The following UBIAD1 variants were observed in gnomAD, a reference collection of about 807,000 sequenced individuals.
UBIAD1 encodes ubiA prenyltransferase domain-containing protein 1.
A neutral mutation model predicts 20.1 loss-of-function variants in UBIAD1; 12 were observed. The ratio of observed to expected loss-of-function variants is 0.60; its 90% CI spans 0.38 to 0.97. The LOEUF is 0.97. UBIAD1 is among the 50% of genes least tolerant of loss of function. The pLI is 0.00. For synonymous variants in UBIAD1, 207 were observed against 189.2 expected (o/e 1.09, Z -0.77); for missense variants, 333 against 419.5 (o/e 0.79, Z 1.80).
chr1:11,283,541 GA>G (rs911755599), intron 1 of UBIAD1, among the ~76,000 whole-genome samples: 5 of 151,704 alleles, frequency 3.3e-5, no homozygotes, highest in East Asian at 1.9e-4. Context: ...CAAATAGAAG[GA>G]AAAAAAATAT....
downstream of UBIAD1, among the ~76,000 whole-genome samples, chr1:11,291,235 C>T (rs190559094): frequency 3.1e-4 from 47 of 152,272 alleles, no homozygotes; most frequent in East Asian, 8.5e-3. Flanking sequence ...TTAATAGAAT[C>T]AGTGTGGTGA....
intron 1 of UBIAD1, chr1:11,278,748 G>T: frequency 1.6e-6 from 1 of 629,544 alleles, no homozygotes; most frequent in Non-Finnish European, 2.7e-6. Flanking sequence ...GGTGTGCTGC[G>T]GTCATCCACC....
At chr1:11,278,253 C>T (rs988103037) in intron 1 of UBIAD1, among the ~76,000 whole-genome samples, 2 of 152,188 alleles carry the variant, frequency 1.3e-5, no homozygotes, top group African/African-American at 4.8e-5. Context: ...CCACTGTGCC[C>T]AGCCCTGTTT....
chr1:11,297,793 A>T (rs945563022), downstream of UBIAD1, among the ~76,000 whole-genome samples: 5 of 152,190 alleles, frequency 3.3e-5, no homozygotes, highest in African/African-American at 9.6e-5. Context: ...TGTGGCTGTG[A>T]GTGGCCTGTC....
chr1:11,278,735 A>G, intron 1 of UBIAD1: 4 of 763,120 alleles, frequency 5.2e-6, no homozygotes, highest in Non-Finnish European at 6.2e-6. Context: ...TTTTGCTAAC[A>G]CTGGTGTGCT....
At position 11,273,357 on chromosome 1, in the gene UBIAD1, TG is replaced by T; in HGVS notation, c.-171del. 2.8e-6 allele frequency: 2 copies of T among 707,634 alleles called. No individual in the cohort carries two copies. The highest frequency in any genetic ancestry group is 4.7e-6 in the Non-Finnish European group (2 of 425,900). 43.8% of individuals were successfully genotyped at this position (707,634 alleles called of 1,614,324 possible). A position where few individuals can be genotyped will look rare whatever the true frequency, so the allele number is the denominator to read the frequency against. Reference sequence around the variant, plus strand: ...GTAGGGGCGGCGCCGCTTGGCCTCGTGGGGTGTAAGACCCACTTGCTGTTGC... The same window carrying T: ...GTAGGGGCGGCGCCGCTTGGCCTCGTGGGTGTAAGACCCACTTGCTGTTGC... On this transcript the variant is annotated 5_prime_UTR_variant, in exon 1 of 2. Transcript: ENST00000376810. This position sits in a 1 kb window ranked among gnomAD's most constrained non-coding sequence, Gnocchi z 4.9.
At chr1:11,281,662 A>G (rs1652245024) in intron 1 of UBIAD1, among the ~76,000 whole-genome samples, 1 of 152,168 alleles carries the variant, frequency 6.6e-6, no homozygotes, top group African/African-American at 2.4e-5. Context: ...ACACCCCGTC[A>G]TCATCCAGAA....
Position 11,274,033 on chromosome 1 carries a change from C to T in UBIAD1, c.502C>T (p.Leu168=), listed in dbSNP as rs1651897114. 2 of 1,614,132 alleles carry T rather than the reference C, an allele frequency of 1.2e-6. No individual in the cohort carries two copies. Among genetic ancestry groups the T allele is most frequent in the Non-Finnish European group, 1.7e-6 (2 of 1,180,018 alleles). Residue 168 remains leucine (L), a synonymous_variant, in exon 1 of 2, where the codon CTG becomes TTG. Transcript: ENST00000376810. The part of the protein sequence containing the change: ...EHLALIYFGG[L]SGSFLYTGGI... ...CTTGGCTCTTATCTACTTTGGAGGC[C>T]TGTCTGGCTCCTTTCTCTACACAGG...
rs367618114 is a variant in UBIAD1, at chr1:11,274,682, T to G, written c.529+622T>G. On this transcript the variant is annotated intron_variant, in intron 1 of 1. Coordinates refer to ENST00000376810, the MANE Select transcript of UBIAD1 (RefSeq NM_013319.3). ...AAGGGTGCAGTGGCACCATCTCGGCTTACTGCAACCTCTGTCTCCCGGCTT... is the reference window on the plus strand; with the variant it reads ...AAGGGTGCAGTGGCACCATCTCGGCGTACTGCAACCTCTGTCTCCCGGCTT... Among the ~76,000 whole-genome samples the G allele has an allele frequency of 1.1e-4, 16 of 150,170 alleles. No homozygotes were observed. In the East Asian group the frequency reaches 1.8e-3, roughly 17 times the overall value.
rs151148849 is a variant in UBIAD1 at position 11,281,251 on chromosome 1, A to G, written c.530-4393A>G. ...CTACCTTGCTTAAAATTACACACCC[A>G]CTCCGTGCCCCCACCTGATACTTCC... On this transcript the variant is annotated intron_variant, in intron 1 of 1. Coordinates refer to ENST00000376810, the MANE Select transcript of UBIAD1 (RefSeq NM_013319.3). Among the ~76,000 whole-genome samples, 481 of 151,102 alleles carry G rather than the reference A, an allele frequency of 3.2e-3. 4 individuals are homozygous for G. The highest frequency in any genetic ancestry group is 0.011 in the African/African-American group (458 of 41,156).
At chr1:11,276,697 A>G (rs1042057175) in intron 1 of UBIAD1, among the ~76,000 whole-genome samples, 1 of 151,930 alleles carries the variant, frequency 6.6e-6, no homozygotes, top group Non-Finnish European at 1.5e-5. Flanking sequence ...TTTAGTTTCA[A>G]AATTATATCT....
chr1:11,273,473 C>T lies in UBIAD1; in HGVS notation c.-59C>T. ...TGCCCCGCCCCGTCCTTCCTCCTTC[C>T]CGGGCGGTCACTGTGCGTGGCTCAC... On this transcript the variant is annotated 5_prime_UTR_variant, in exon 1 of 2. Transcript: ENST00000376810. The surrounding 1 kb of genome is among the most constrained non-coding windows in gnomAD (Gnocchi z 4.9). 6.2e-7 allele frequency: 1 copy of T among 1,603,416 alleles called. No individual in the cohort carries two copies.
rs768143973 is a variant in UBIAD1 at position 11,273,505 on chromosome 1, A to G, written c.-27A>G. The G allele has an allele frequency of 1.2e-6, 2 of 1,610,282 alleles. No individual in the cohort carries two copies. The highest frequency in any genetic ancestry group is 3.3e-5 in the Admixed American group (2 of 60,018). ...GTCACTGTGCGTGGCTCACTTTTAG[A>G]GTTTACTTCAACCACGTGGAGCTTC... is the stretch of plus-strand genomic sequence containing the variant. On this transcript the variant is annotated 5_prime_UTR_variant, in exon 1 of 2. Transcript: ENST00000376810. The surrounding 1 kb of genome is among the most constrained non-coding windows in gnomAD (Gnocchi z 4.9).
At chr1:11,295,571 A>G (rs1432854650), downstream of UBIAD1, 2 of 152,446 alleles carry the variant, frequency 1.3e-5, no homozygotes, top group Non-Finnish European at 2.9e-5. Flanking sequence ...GCCTGGAGAG[A>G]CAAGGCCAGG....
At chr1:11,292,668 T>TACACACACACAC (rs71568319), downstream of UBIAD1, among the ~76,000 whole-genome samples, 27 of 140,742 alleles carry the variant, frequency 1.9e-4, no homozygotes, top group South Asian at 1.4e-3. Context: ...ATTTTATGTA[T>TACACACACACAC]ACACACACAC....
At position 11,282,723 on chromosome 1, in the gene UBIAD1, C is replaced by T. The variant is rs150005962; in HGVS notation, c.530-2921C>T. ...GATTACAGGCGTGCACCACCATGCC[C>T]GGCTAATTTTTTTTTGTATTTTTAG... On this transcript the variant is annotated intron_variant, in intron 1 of 1. Transcript: ENST00000376810. Among the ~76,000 whole-genome samples the T allele has an allele frequency of 6.4e-3, 972 of 151,146 alleles. 16 individuals carry two copies. Among genetic ancestry groups the T allele is most frequent in the African/African-American group, 0.022 (904 of 41,134 alleles).
chr1:11,297,224 G>A (rs1237712798), downstream of UBIAD1, among the ~76,000 whole-genome samples: 1 of 152,192 alleles, frequency 6.6e-6, no homozygotes, highest in Admixed American at 6.5e-5. Flanking sequence ...GCAACTTTGG[G>A]AGGTGATTAG....
downstream of UBIAD1, among the ~76,000 whole-genome samples, chr1:11,288,628 C>T (rs543644802): frequency 1.6e-4 from 24 of 152,250 alleles, no homozygotes; most frequent in South Asian, 4.1e-4. Context: ...GCAGCAGGGA[C>T]TGGGCATGGT....
chr1:11,280,717 G>A (rs1652214044), intron 1 of UBIAD1, among the ~76,000 whole-genome samples: 1 of 152,134 alleles, frequency 6.6e-6, no homozygotes, highest in African/African-American at 2.4e-5. Context: ...CTTTCAAAAT[G>A]CATGTAGGAT....
Sources: gnomAD v4.1 joint callset for allele counts (sites outside exome capture counted in the v4.1 genomes callset) on GRCh38, gnomAD v4.1.1 for gene constraint, Gnocchi (gnomAD v3.1) non-coding constraint, MANE v1.5 for transcripts, NCBI Gene and HGNC (gene_info 2026-07-23, HGNC 2026-07-21) for gene names.